The following TMPO variants were observed in gnomAD, a reference collection of about 807,000 sequenced individuals.
The protein encoded by TMPO is LEM domain containing 4.
TMPO carries 22 observed loss-of-function variants against 45.4 expected under a neutral mutation model. The observed-to-expected ratio is 0.48, with a 90% CI of 0.35 to 0.69. The LOEUF is 0.69. TMPO is among the 30% of genes least tolerant of loss of function. TMPO has a pLI of 0.01. For synonymous variants in TMPO, 241 were observed against 204.1 expected (o/e 1.18, Z -1.54); for missense variants, 512 against 548.8 (o/e 0.93, Z 0.67).
At chr12:98,543,406 A>G (rs1365248276) in intron 4 of TMPO, among the ~76,000 whole-genome samples, 2 of 152,260 alleles carry the variant, frequency 1.3e-5, no homozygotes, top group African/African-American at 4.8e-5. Context: ...CAGAATCTGC[A>G]TTTAACAGAA....
intron 1 of TMPO, among the ~76,000 whole-genome samples, chr12:98,520,837 T>A (rs7135937): frequency 6.6e-6 from 1 of 151,548 alleles, no homozygotes; most frequent in Non-Finnish European, 1.5e-5. Flanking sequence ...CTCCCAGAGT[T>A]CTGGAATTAC....
At chr12:98,528,240 C>G (rs1336528890) in intron 2 of TMPO, among the ~76,000 whole-genome samples, 2 of 143,276 alleles carry the variant, frequency 1.4e-5, no homozygotes, top group African/African-American at 5.2e-5. Context: ...TTATATGGTG[C>G]TTATATCGTA....
intron 2 of TMPO, among the ~76,000 whole-genome samples, chr12:98,528,815 A>G (rs1876974557): frequency 1.3e-5 from 2 of 152,060 alleles, no homozygotes; most frequent in South Asian, 4.1e-4. Context: ...TAAAATTAGC[A>G]GGGTGTGGTG....
intron 2 of TMPO, among the ~76,000 whole-genome samples, chr12:98,528,913 G>A (rs751961814): frequency 1.5e-4 from 23 of 152,062 alleles, no homozygotes; most frequent in African/African-American, 4.1e-4. Flanking sequence ...GCAGTGAGCC[G>A]TGATGGCTAC....
chr12:98,516,395 G>A (rs540163952), intron 1 of TMPO: 1 of 1,194,188 alleles, frequency 8.4e-7, no homozygotes, highest in Non-Finnish European at 1.0e-6. Flanking sequence ...TGCGTTGGCG[G>A]CGGTTGTTTT....
intron 2 of TMPO, among the ~76,000 whole-genome samples, chr12:98,530,614 T>C (rs1877125973): frequency 6.6e-6 from 1 of 152,226 alleles, no homozygotes; most frequent in African/African-American, 2.4e-5. Flanking sequence ...TCAATTTTGC[T>C]TTGTGATATG....
At position 98,533,455 on chromosome 12, in the gene TMPO, A is replaced by G. The variant is rs771185259; in HGVS notation, c.565+1617A>G. 207 of 1,614,050 alleles carry G rather than the reference A, an allele frequency of 1.3e-4. No homozygotes were observed. Among genetic ancestry groups the G allele is most frequent in the Non-Finnish European group, 1.6e-4 (187 of 1,180,042 alleles). On this transcript the variant is annotated intron_variant, in intron 3 of 8. Coordinates refer to ENST00000556029, the MANE Select transcript of TMPO (RefSeq NM_001032283.3). Reference sequence around the variant, plus strand: ...TAGTTTGCCTGGAACTTCTAACTCTATGCCCCCACTGGATGTAGAAAACAT... The same window carrying G: ...TAGTTTGCCTGGAACTTCTAACTCTGTGCCCCCACTGGATGTAGAAAACAT...
At position 98,548,797 on chromosome 12, in the gene TMPO, C is replaced by T. The variant is rs1217359847; in HGVS notation, c.*939C>T. 2 of 152,010 alleles carry T rather than the reference C, an allele frequency of 1.3e-5. No homozygotes were observed. Among genetic ancestry groups the T allele is most frequent in the African/African-American group, 2.4e-5 (1 of 41,398 alleles). 9.4% of individuals were successfully genotyped at this position (152,010 alleles called of 1,614,324 possible). ...AACAAATTTTGCCGAGCTTTTTTTG[C>T]CCTATATTTCCCAGCATAATTTGAT... On this transcript the variant is annotated 3_prime_UTR_variant, in exon 9 of 9. Coordinates refer to ENST00000556029, the MANE Select transcript of TMPO (RefSeq NM_001032283.3).
rs746863579 is a variant in TMPO at position 98,516,052 on chromosome 12, C to T, written c.185C>T (p.Pro62Leu). 1.2e-6 allele frequency: 2 copies of T among 1,610,806 alleles called. No individual in the cohort carries two copies. Among genetic ancestry groups the T allele is most frequent in the South Asian group, 1.1e-5 (1 of 90,988 alleles). Residue 62 changes from proline to leucine, a missense_variant, in exon 1 of 9, where the codon CCC becomes CTC. This residue lies in a region of TMPO where 299 missense variants were observed against 296.7 expected (regional missense o/e 1.01). Transcript: ENST00000556029. ...PLPAGTNSKG[P>L]PDFSSDEERE... is the part of the protein sequence containing the mutation. ...CCCGCCGGCACCAACAGCAAGGGGC[C>T]CCCGGACTTCTCCAGTGACGAAGAG... is the stretch of plus-strand genomic sequence containing the variant.
In TMPO at chr12:98,534,357, A is replaced by G. The variant is rs780469053; in HGVS notation, c.565+2519A>G. ...ATAAACACTAGTAAAATTAAGGACAAAAAGACATCTATCTTATCTTTCAGG... is the reference window on the plus strand; with the variant it reads ...ATAAACACTAGTAAAATTAAGGACAGAAAGACATCTATCTTATCTTTCAGG... On this transcript the variant is annotated intron_variant, in intron 3 of 8. Coordinates refer to ENST00000556029, the MANE Select transcript of TMPO (RefSeq NM_001032283.3). The G allele has an allele frequency of 3.1e-6, 5 of 1,610,250 alleles. No individual in the cohort carries two copies. In the Admixed American group the frequency reaches 5.0e-5, roughly 16 times the overall value.
At chr12:98,534,911 G>A in intron 3 of TMPO, 1 of 969,708 alleles carries the variant, frequency 1.0e-6, no homozygotes, top group South Asian at 4.8e-5. Flanking sequence ...TCTACAAACT[G>A]TTACTTATCC....
At chr12:98,516,460 G>A in intron 1 of TMPO, 1 of 1,140,146 alleles carries the variant, frequency 8.8e-7, no homozygotes, top group Non-Finnish European at 1.1e-6. Context: ...CGGGCGTTTA[G>A]ACGGGGACTT....
chr12:98,517,961 T>C (rs1876005612), intron 1 of TMPO, among the ~76,000 whole-genome samples: 1 of 152,090 alleles, frequency 6.6e-6, no homozygotes, highest in Non-Finnish European at 1.5e-5. Flanking sequence ...TCAGGAGTTC[T>C]AGACCAGCCT....
At chr12:98,546,769 A>T (rs997659859) in intron 8 of TMPO, among the ~76,000 whole-genome samples, 1 of 152,234 alleles carries the variant, frequency 6.6e-6, no homozygotes, top group African/African-American at 2.4e-5. Flanking sequence ...TGAAAGTTGA[A>T]TGAGTTTCAA....
intron 4 of TMPO, among the ~76,000 whole-genome samples, chr12:98,539,128 A>G (rs940171944): frequency 3.9e-5 from 6 of 152,050 alleles, no homozygotes; most frequent in Non-Finnish European, 8.8e-5. Context: ...TGAACCTTGG[A>G]GGCGGAGGTT....
At chr12:98,518,468 A>ATTTTTTTT (rs1876063619) in intron 1 of TMPO, among the ~76,000 whole-genome samples, 2 of 82,032 alleles carry the variant, frequency 2.4e-5, no homozygotes, top group African/African-American at 5.9e-5. Context: ...TAATTTTCTA[A>ATTTTTTTT]TCTTTTTTTT....
At chr12:98,544,026 G>A (rs1190856977) in intron 4 of TMPO, among the ~76,000 whole-genome samples, 1 of 152,132 alleles carries the variant, frequency 6.6e-6, no homozygotes, top group Non-Finnish European at 1.5e-5. Context: ...ATTCTTTAGT[G>A]TATTTTAGCA....
intron 1 of TMPO, among the ~76,000 whole-genome samples, chr12:98,520,760 A>G (rs1437640415): frequency 6.7e-6 from 1 of 150,050 alleles, no homozygotes; most frequent in African/African-American, 2.5e-5. Context: ...AATTTTATGT[A>G]TTTTTAGTAA....
At chr12:98,537,303 A>C (rs988055012) in intron 3 of TMPO, among the ~76,000 whole-genome samples, 172 bp from the exon 4 acceptor site, 1 of 152,190 alleles carries the variant, frequency 6.6e-6, no homozygotes, top group Non-Finnish European at 1.5e-5. Context: ...ATAATGAAAC[A>C]GTTTTCAAGA....
Sources: allele counts gnomAD v4.1 joint callset (sites outside exome capture counted in the v4.1 genomes callset), GRCh38; gene constraint gnomAD v4.1.1; regional missense constraint gnomAD v4.1.1; transcripts MANE v1.5; gene names NCBI Gene and HGNC (gene_info 2026-07-23, HGNC 2026-07-21).